The following FER variants were observed in gnomAD, a reference collection of about 807,000 sequenced individuals.
The protein encoded by FER is tyrosine-protein kinase Fer.
In FER, 63 loss-of-function variants were observed where a neutral mutation model predicts 111.0. That is an observed-to-expected ratio of 0.57 (90% CI 0.46 to 0.70). The LOEUF (loss-of-function observed/expected upper bound fraction) is 0.70. Among genes scored for constraint, FER ranks in the 30% least tolerant of loss-of-function variants. The pLI is 0.00. For missense variants in FER, 914 were observed against 954.0 expected, an observed-to-expected ratio of 0.96 and a Z score of 0.55; for synonymous variants, 327 against 313.9, an observed-to-expected ratio of 1.04 and a Z score of -0.44.
At chr5:109,058,416 G>A (rs114127799) in intron 16 of FER, among the ~76,000 whole-genome samples, 6,982 of 152,046 alleles carry the variant, frequency 0.046, 223 homozygotes, top group South Asian at 0.094. Flanking sequence ...TGTTTTCTTT[G>A]CTCCCATATT....
intron 10 of FER, among the ~76,000 whole-genome samples, chr5:108,924,360 C>CAAAA (rs59469649): frequency 3.4e-4 from 34 of 99,080 alleles, no homozygotes; most frequent in African/African-American, 1.2e-3. Context: ...AACTCTGTCT[C>CAAAA]AAAAAAAAAA....
At chr5:109,044,327 C>A (rs751822198) in intron 14 of FER, among the ~76,000 whole-genome samples, 2 of 151,682 alleles carry the variant, frequency 1.3e-5, no homozygotes, top group Non-Finnish European at 2.9e-5. Context: ...TACAGGCGCC[C>A]GCCACCATGC....
chr5:109,129,128 A>C (rs1212818734), intron 17 of FER, among the ~76,000 whole-genome samples: 1 of 152,082 alleles, frequency 6.6e-6, no homozygotes, highest in Non-Finnish European at 1.5e-5. Context: ...TGGAACAATT[A>C]TGTAACTATT....
intron 16 of FER, among the ~76,000 whole-genome samples, chr5:109,079,673 G>A (rs951322289): frequency 6.6e-6 from 1 of 150,392 alleles, no homozygotes; most frequent in Admixed American, 6.6e-5. Flanking sequence ...TAAAATTCTG[G>A]CTTGAAGGCT....
intron 13 of FER, among the ~76,000 whole-genome samples, chr5:108,998,977 T>G (rs1394316668): frequency 6.6e-6 from 1 of 152,238 alleles, no homozygotes; most frequent in Non-Finnish European, 1.5e-5. Flanking sequence ...ATAATATGAA[T>G]TGTTTCAAAC....
intron 13 of FER, among the ~76,000 whole-genome samples, chr5:108,993,411 C>A (rs1038746849): frequency 6.6e-6 from 1 of 152,116 alleles, no homozygotes; most frequent in Admixed American, 6.5e-5. Context: ...TGGCCGCGCG[C>A]GCCTGCAATC....
chr5:109,054,854 C>G (rs1442907644), intron 16 of FER, among the ~76,000 whole-genome samples: 1 of 152,156 alleles, frequency 6.6e-6, no homozygotes, highest in East Asian at 1.9e-4. Context: ...TTCTTTCTCT[C>G]TTGACTTAAC....
chr5:108,858,769 T>C (rs76322742), intron 5 of FER, among the ~76,000 whole-genome samples: 56 of 90,714 alleles, frequency 6.2e-4, no homozygotes, highest in South Asian at 9.0e-4. Flanking sequence ...TTTTTTCATT[T>C]TTTTTTTTTT....
intron 16 of FER, among the ~76,000 whole-genome samples, chr5:109,070,081 G>T (rs1456980606): frequency 6.6e-6 from 1 of 151,726 alleles, no homozygotes; most frequent in South Asian, 2.1e-4. Flanking sequence ...GTCCATTTAT[G>T]TGGTTTTTTG....
intron 16 of FER, among the ~76,000 whole-genome samples, chr5:109,072,162 T>C (rs967970654): frequency 5.9e-5 from 9 of 151,722 alleles, no homozygotes; most frequent in Non-Finnish European, 1.3e-4. Flanking sequence ...TTTACCCTTA[T>C]GACATTTCTG....
chr5:109,042,110 A>T (rs150987223), intron 14 of FER, among the ~76,000 whole-genome samples: 37 of 152,264 alleles, frequency 2.4e-4, no homozygotes, highest in African/African-American at 8.7e-4. Context: ...GATAGATGAG[A>T]AAGAAGGATC....
intron 5 of FER, among the ~76,000 whole-genome samples, chr5:108,836,607 C>G (rs940922203): frequency 1.3e-5 from 2 of 151,948 alleles, no homozygotes; most frequent in Non-Finnish European, 2.9e-5. Flanking sequence ...TTCTTAAATT[C>G]ATCTTTCTCT....
At chr5:109,025,508 A>T (rs1768580088) in intron 13 of FER, among the ~76,000 whole-genome samples, 1 of 152,056 alleles carries the variant, frequency 6.6e-6, no homozygotes, top group Non-Finnish European at 1.5e-5. Flanking sequence ...TATCAGCTTA[A>T]GGAGATTTTG....
At chr5:109,103,906 T>G (rs981514892) in intron 17 of FER, among the ~76,000 whole-genome samples, 2 of 152,234 alleles carry the variant, frequency 1.3e-5, no homozygotes, top group African/African-American at 4.8e-5. Flanking sequence ...TATTCAGGTT[T>G]ATTTCTAAAA....
intron 13 of FER, among the ~76,000 whole-genome samples, chr5:108,959,950 G>C (rs1196848074): frequency 6.6e-6 from 1 of 152,062 alleles, no homozygotes; most frequent in African/African-American, 2.4e-5. Context: ...TGGAAGTTTT[G>C]TGTTTTAAAG....
chr5:109,049,215 A>T (rs2149918354), intron 16 of FER, among the ~76,000 whole-genome samples: 1 of 152,302 alleles, frequency 6.6e-6, no homozygotes, highest in South Asian at 2.1e-4. Context: ...TTTTTACCTG[A>T]CAGGGTCTGT....
At chr5:108,918,117 C>T (rs1752500974) in intron 10 of FER, among the ~76,000 whole-genome samples, 1 of 152,090 alleles carries the variant, frequency 6.6e-6, no homozygotes, top group African/African-American at 2.4e-5. Flanking sequence ...ACTATTTTGT[C>T]TCTAAGCTTT....
chr5:108,838,226 T>C (rs904131139), intron 5 of FER, among the ~76,000 whole-genome samples: 2 of 152,150 alleles, frequency 1.3e-5, no homozygotes, highest in African/African-American at 4.8e-5. Context: ...TTCCAACATA[T>C]ATAGGCTTTA....
chr5:108,871,762 AT>A (rs11338048), intron 7 of FER, among the ~76,000 whole-genome samples: 10,569 of 150,054 alleles, frequency 0.07, 417 homozygotes, highest in African/African-American at 0.1. Context: ...AATCCATGAA[AT>A]TTTTTTTTTA....
Sources: allele counts gnomAD v4.1 joint callset (sites outside exome capture counted in the v4.1 genomes callset), GRCh38; gene constraint gnomAD v4.1.1; transcripts MANE v1.5; gene names NCBI Gene and HGNC (gene_info 2026-07-23, HGNC 2026-07-21).